The following GPBP1 variants were observed in gnomAD, a reference collection of about 807,000 sequenced individuals.
GPBP1 encodes the protein vasculin.
A neutral mutation model predicts 56.5 loss-of-function variants in GPBP1; 13 were observed. The observed-to-expected ratio is 0.23, with a 90% CI of 0.15 to 0.37. The LOEUF is 0.37. Among genes scored for constraint, GPBP1 ranks in the 10% least tolerant of loss-of-function variants. The pLI is 1.00. For synonymous variants in GPBP1, 204 were observed against 188.9 expected (o/e 1.08, Z -0.66); for missense variants, 477 against 572.3 (o/e 0.83, Z 1.70).
chr5:57,261,307 T>A (rs767276417), intron 11 of GPBP1, 25 bp downstream of exon 11: 1 of 1,335,248 alleles, frequency 7.5e-7, no homozygotes, highest in Admixed American at 1.7e-5. Context: ...ATCATACAAC[T>A]TCACTTTTAA....
At chr5:57,237,971 G>A (rs960435397) in intron 6 of GPBP1, among the ~76,000 whole-genome samples, 1 of 152,232 alleles carries the variant, frequency 6.6e-6, no homozygotes, top group Middle Eastern at 3.4e-3. Context: ...TTATAATATA[G>A]CTACATAAAT....
intron 3 of GPBP1, among the ~76,000 whole-genome samples, chr5:57,223,653 C>T (rs895275301): frequency 6.6e-6 from 1 of 151,926 alleles, no homozygotes; most frequent in African/African-American, 2.4e-5. Context: ...CTCCGTAAGG[C>T]TGTTTGGTCA....
At chr5:57,182,052 A>G (rs976383619) in intron 2 of GPBP1, among the ~76,000 whole-genome samples, 17 of 152,232 alleles carry the variant, frequency 1.1e-4, no homozygotes, top group African/African-American at 3.6e-4. Flanking sequence ...TGGTGGGTGC[A>G]GTGCTTTTGG....
chr5:57,230,934 A>G lies in GPBP1; in HGVS notation c.152A>G (p.Asp51Gly). 6.2e-7 allele frequency: 1 copy of G among 1,612,082 alleles called. No individual in the cohort carries two copies. The highest frequency in any genetic ancestry group is 2.2e-5 in the East Asian group (1 of 44,862). Residue 51 changes from aspartate to glycine, a missense_variant, in exon 4 of 12, where the codon GAT becomes GGT. Physicochemically the swap from Asp to Gly is moderately conservative, Grantham distance 94. This residue lies in a region of GPBP1 where 414 missense variants were observed against 458.2 expected (regional missense o/e 0.90). Coordinates refer to ENST00000506184, the MANE Select transcript of GPBP1 (RefSeq NM_022913.4). ...DVNRRRHNSS[D>G]GFDSAIGRPN... ...AACCGTCGACGACACAACTCTTCAG[A>G]TGGCTTTGATTCTGCTATTGGGCGT...
chr5:57,226,960 C>T (rs529127374), intron 3 of GPBP1, among the ~76,000 whole-genome samples: 2 of 152,042 alleles, frequency 1.3e-5, no homozygotes, highest in East Asian at 1.9e-4. Context: ...AGGATGATCT[C>T]GATCTCCTGA....
Position 57,264,614 on chromosome 5 carries a change from C to G in GPBP1, c.*1862C>G, listed in dbSNP as rs1418502810. 2.0e-5 allele frequency: 3 copies of G among 152,124 alleles called. No individual in the cohort carries two copies. The East Asian group carries it at 5.8e-4, about 29-fold the overall frequency. The allele number at this position is 152,124 out of a possible 1,614,324, so 9.4% of individuals were successfully genotyped here. On this transcript the variant is annotated 3_prime_UTR_variant, in exon 12 of 12. Transcript: ENST00000506184. ...AGTTAACTCATGTTTATTGTGCTTT[C>G]ATGCATTGTGATATGGAATGTGTTT... is the stretch of plus-strand genomic sequence containing the variant.
intron 2 of GPBP1, among the ~76,000 whole-genome samples, chr5:57,190,811 A>G (rs548087457): frequency 4.0e-5 from 6 of 148,344 alleles, no homozygotes; most frequent in African/African-American, 1.2e-4. Flanking sequence ...GGCTCAAGCA[A>G]TCTTCCGGCC....
intron 9 of GPBP1, 31 bp from the exon 10 acceptor site, chr5:57,250,923 T>A: frequency 3.4e-6 from 1 of 297,644 alleles, no homozygotes. Context: ...GAACTCATTC[T>A]TTTTTTTTTT....
At chr5:57,185,253 T>G (rs1194335620) in intron 2 of GPBP1, among the ~76,000 whole-genome samples, 1 of 149,748 alleles carries the variant, frequency 6.7e-6, no homozygotes, top group African/African-American at 2.4e-5. Context: ...CATCTTTGGT[T>G]AGGTCTTTTT....
intron 3 of GPBP1, among the ~76,000 whole-genome samples, chr5:57,225,853 C>A (rs1756163326): frequency 6.6e-6 from 1 of 152,206 alleles, no homozygotes; most frequent in Non-Finnish European, 1.5e-5. Flanking sequence ...TCCTGCTACT[C>A]CTGATGCCAT....
intron 2 of GPBP1, among the ~76,000 whole-genome samples, chr5:57,199,615 TA>T (rs1754911420): frequency 6.6e-6 from 1 of 152,182 alleles, no homozygotes; most frequent in South Asian, 2.1e-4. Context: ...TACATATGTA[TA>T]CATGTGCCAC....
At chr5:57,205,883 C>A (rs1755211891) in intron 2 of GPBP1, among the ~76,000 whole-genome samples, 1 of 152,224 alleles carries the variant, frequency 6.6e-6, no homozygotes, top group South Asian at 2.1e-4. Context: ...CCCACCTCAG[C>A]CTCCTGAGTG....
intron 3 of GPBP1, among the ~76,000 whole-genome samples, chr5:57,224,171 G>A (rs545006493): frequency 1.3e-5 from 2 of 151,834 alleles, no homozygotes; most frequent in East Asian, 3.9e-4. Flanking sequence ...TCTAGAGACA[G>A]GGTCTCAGAC....
At chr5:57,207,512 C>T (rs1257985888) in intron 2 of GPBP1, among the ~76,000 whole-genome samples, 1 of 152,126 alleles carries the variant, frequency 6.6e-6, no homozygotes, top group East Asian at 1.9e-4. Context: ...GTTTACAGCT[C>T]CTGAAGCCCC....
intron 6 of GPBP1, among the ~76,000 whole-genome samples, chr5:57,242,047 T>C (rs930060109): frequency 6.6e-6 from 1 of 152,244 alleles, no homozygotes; most frequent in Non-Finnish European, 1.5e-5. Flanking sequence ...ATTGTTACCA[T>C]TAAGAACACT....
chr5:57,245,702 G>A (rs1741057242), intron 6 of GPBP1: 1 of 152,162 alleles, frequency 6.6e-6, no homozygotes, highest in Non-Finnish European at 1.5e-5. Flanking sequence ...TTTATCTTCA[G>A]AAATCAGGAT....
chr5:57,225,491 C>CA (rs554699501), intron 3 of GPBP1, among the ~76,000 whole-genome samples: 4,887 of 37,896 alleles, frequency 0.13, 248 homozygotes, highest in African/African-American at 0.22. Context: ...GATTCCTTCT[C>CA]AAAAAAAAAA....
intron 2 of GPBP1, among the ~76,000 whole-genome samples, chr5:57,195,214 G>A (rs1754693963): frequency 6.6e-6 from 1 of 152,006 alleles, no homozygotes. Context: ...AGAGTGCAGT[G>A]GCATGATCAC....
intron 11 of GPBP1, 140 bp from the exon 12 acceptor site, chr5:57,262,454 A>T (rs1346929925): frequency 1.5e-6 from 1 of 652,360 alleles, no homozygotes; most frequent in Non-Finnish European, 2.7e-6. Context: ...CTTTGTCTGG[A>T]TCCAGAATTT....
Sources: gnomAD v4.1 joint callset for allele counts (sites outside exome capture counted in the v4.1 genomes callset) on GRCh38, gnomAD v4.1.1 for gene constraint, gnomAD v4.1.1 regional missense constraint, MANE v1.5 for transcripts, NCBI Gene and HGNC (gene_info 2026-07-23, HGNC 2026-07-21) for gene names.